CACNA2D2: variants seen among roughly 807,000 people sequenced by gnomAD.
CACNA2D2 encodes the protein voltage-dependent calcium channel subunit alpha-2/delta-2.
A neutral mutation model predicts 166.4 loss-of-function variants in CACNA2D2; 48 were observed. The observed-to-expected ratio is 0.29, with a 90% CI of 0.23 to 0.37. The LOEUF (loss-of-function observed/expected upper bound fraction) is 0.37. Among genes scored for constraint, CACNA2D2 ranks in the 10% least tolerant of loss-of-function variants. CACNA2D2 has a pLI of 1.00. For synonymous variants in CACNA2D2, 561 were observed against 573.7 expected (o/e 0.98, Z 0.32); for missense variants, 1,122 against 1,433.0 (o/e 0.78, Z 3.50).
intron 2 of CACNA2D2, among the ~76,000 whole-genome samples, chr3:50,444,637 G>A (rs904469422): frequency 6.6e-6 from 1 of 152,226 alleles, no homozygotes. Context: ...CTGTGCTGCT[G>A]AGACTTGCTA....
In CACNA2D2 at chr3:50,364,585, G is replaced by A. The variant is rs1704105665; in HGVS notation, c.*81C>T. 1 of 1,414,372 alleles carries A rather than the reference G, an allele frequency of 7.1e-7. No homozygotes were observed. The allele number at this position is 1,414,372 out of a possible 1,614,324, so 87.6% of individuals were successfully genotyped here. On this transcript the variant is annotated 3_prime_UTR_variant, in exon 38 of 38. Coordinates refer to ENST00000424201, the MANE Select transcript of CACNA2D2 (RefSeq NM_006030.4). ...CAGTGAGGGAGGGACGAGGCTCTAA[G>A]GCGGGGAGTGTGGGGCAGGAGGGTG...
chr3:50,379,011 T>C lies in CACNA2D2; in HGVS notation c.1261-18A>G, dbSNP rs750819167. On this transcript the variant is annotated intron_variant, in intron 12 of 37. Transcript: ENST00000424201. The surrounding 1 kb of genome is among the most constrained non-coding windows in gnomAD (Gnocchi z 6.5). ...ACGCGCACCTGTGGGGGGTTTGAGG[T>C]TACTGCTGTGGCCACCAGGGGACAG... 6.2e-7 allele frequency: 1 copy of C among 1,613,568 alleles called. No homozygotes were observed. The highest frequency in any genetic ancestry group is 1.3e-5 in the African/African-American group (1 of 74,834).
chr3:50,500,619 G>A (rs1560012141), intron 1 of CACNA2D2, among the ~76,000 whole-genome samples: 2 of 152,162 alleles, frequency 1.3e-5, no homozygotes, highest in African/African-American at 4.8e-5. Flanking sequence ...GGTGAAAGGT[G>A]TGCTCGGACT....
chr3:50,460,690 T>A (rs1709549775), intron 2 of CACNA2D2, among the ~76,000 whole-genome samples: 1 of 151,900 alleles, frequency 6.6e-6, no homozygotes, highest in Non-Finnish European at 1.5e-5. Context: ...CCGTCTCTAC[T>A]AAAAATATAA....
At chr3:50,463,825 C>T (rs1709697415) in intron 2 of CACNA2D2, among the ~76,000 whole-genome samples, 1 of 152,250 alleles carries the variant, frequency 6.6e-6, no homozygotes, top group Non-Finnish European at 1.5e-5. Context: ...CGTGAGAGAG[C>T]CCCTGAGTCC....
chr3:50,434,746 C>T (rs1708231419), intron 2 of CACNA2D2, among the ~76,000 whole-genome samples: 1 of 152,236 alleles, frequency 6.6e-6, no homozygotes, highest in South Asian at 2.1e-4. Flanking sequence ...AGCCCTGCCC[C>T]CGACTAGCTC....
chr3:50,432,036 C>T (rs865777886), intron 3 of CACNA2D2, among the ~76,000 whole-genome samples: 1 of 151,482 alleles, frequency 6.6e-6, no homozygotes, highest in South Asian at 2.1e-4. Context: ...TGTTTAGTGC[C>T]GACTGTCCCA....
intron 6 of CACNA2D2, among the ~76,000 whole-genome samples, chr3:50,382,877 A>C (rs1193007118): frequency 5.3e-5 from 8 of 151,454 alleles, no homozygotes; most frequent in Non-Finnish European, 2.9e-5. Context: ...GGTACCTGTG[A>C]CCCCACACGC....
At chr3:50,436,032 G>A (rs1013550341) in intron 2 of CACNA2D2, among the ~76,000 whole-genome samples, 6 of 152,190 alleles carry the variant, frequency 3.9e-5, no homozygotes, top group Non-Finnish European at 8.8e-5. Flanking sequence ...GGATCACTGA[G>A]GAAAGGCAGG....
chr3:50,373,704 T>A (rs1335364173), intron 22 of CACNA2D2, among the ~76,000 whole-genome samples: 1 of 89,876 alleles, frequency 1.1e-5, no homozygotes, highest in African/African-American at 4.6e-5. Context: ...AAGAGGGAGA[T>A]AGAGGAGATG....
Position 50,380,675 on chromosome 3 carries a change from GA to G in CACNA2D2, c.842+72del. 8.2e-7 allele frequency: 1 copy of G among 1,221,124 alleles called. No individual in the cohort carries two copies. Among genetic ancestry groups the G allele is most frequent in the Non-Finnish European group, 1.1e-6 (1 of 895,114 alleles). 75.6% of individuals were successfully genotyped at this position (1,221,124 alleles called of 1,614,324 possible). A position where few individuals can be genotyped will look rare whatever the true frequency, so the allele number is the denominator to read the frequency against. ...CCCTGCTAGGAGGCTTGGAAATGGG[GA>G]GGGAGGGGAGCAGGCAGGAAAGGTG... is the stretch of plus-strand genomic sequence containing the variant. On this transcript the variant is annotated intron_variant, in intron 8 of 37. Coordinates refer to ENST00000424201, the MANE Select transcript of CACNA2D2 (RefSeq NM_006030.4). The surrounding 1 kb of genome is among the most constrained non-coding windows in gnomAD (Gnocchi z 4.9).
At chr3:50,486,562 C>T (rs1698290160) in intron 1 of CACNA2D2, among the ~76,000 whole-genome samples, 1 of 152,194 alleles carries the variant, frequency 6.6e-6, no homozygotes, top group African/African-American at 2.4e-5. Flanking sequence ...CGAGGACATC[C>T]ATGTACAGAG....
At chr3:50,494,041 T>C (rs1340844026) in intron 1 of CACNA2D2, among the ~76,000 whole-genome samples, 1 of 152,162 alleles carries the variant, frequency 6.6e-6, no homozygotes, top group Non-Finnish European at 1.5e-5. Flanking sequence ...GGCAGGTTTC[T>C]GGGGTGCAAG....
intron 3 of CACNA2D2, among the ~76,000 whole-genome samples, chr3:50,416,926 C>T (rs940165360): frequency 2.6e-5 from 4 of 152,178 alleles, no homozygotes; most frequent in African/African-American, 9.6e-5. Flanking sequence ...CTGAGATGCA[C>T]ATGTGCACAT....
chr3:50,390,608 C>T (rs1002425440), intron 4 of CACNA2D2, among the ~76,000 whole-genome samples: 1 of 152,142 alleles, frequency 6.6e-6, no homozygotes, highest in Non-Finnish European at 1.5e-5. Flanking sequence ...CCATTTTGCC[C>T]AACTGGGTAG....
At chr3:50,433,672 C>A (rs934948996) in intron 3 of CACNA2D2, among the ~76,000 whole-genome samples, 1 of 152,200 alleles carries the variant, frequency 6.6e-6, no homozygotes, top group Non-Finnish European at 1.5e-5. Context: ...CCCACCTACT[C>A]TCCCTGGGAT....
At chr3:50,433,017 T>C (rs1708144780) in intron 3 of CACNA2D2, among the ~76,000 whole-genome samples, 1 of 152,272 alleles carries the variant, frequency 6.6e-6, no homozygotes, top group Non-Finnish European at 1.5e-5. Context: ...AGATACAATT[T>C]ATACACCAGC....
intron 22 of CACNA2D2, among the ~76,000 whole-genome samples, chr3:50,372,506 C>A (rs1704707588): frequency 6.6e-6 from 1 of 152,192 alleles, no homozygotes; most frequent in Non-Finnish European, 1.5e-5. Context: ...GCCCTTTGGC[C>A]CCAGCATCAG....
chr3:50,374,716 G>A (rs781779290), intron 22 of CACNA2D2, 21 bp downstream of exon 22: 65 of 1,578,822 alleles, frequency 4.1e-5, no homozygotes, highest in Non-Finnish European at 5.5e-5. Context: ...GCAGGGCGCA[G>A]GCAGGGGCCG....
Sources: gnomAD v4.1 joint callset for allele counts (sites outside exome capture counted in the v4.1 genomes callset) on GRCh38, gnomAD v4.1.1 for gene constraint, Gnocchi (gnomAD v3.1) non-coding constraint, MANE v1.5 for transcripts, NCBI Gene and HGNC (gene_info 2026-07-23, HGNC 2026-07-21) for gene names.